Variants in APPBP2 observed in about 807,000 individuals in gnomAD.
APPBP2 encodes the protein amyloid beta precursor protein binding protein 2, also known as amyloid protein-binding protein 2.
A neutral mutation model predicts 76.0 loss-of-function variants in APPBP2; 15 were observed. The observed-to-expected ratio is 0.20, with a 90% confidence interval of 0.13 to 0.30. The LOEUF is 0.30. Ranked by LOEUF, APPBP2 falls within the 10% of genes least tolerant of loss-of-function variation. The pLI, the probability that APPBP2 is intolerant of heterozygous loss-of-function variation, is 1.00. For missense variants in APPBP2, 401 were observed against 687.2 expected (o/e 0.58, Z 4.66); for synonymous variants, 222 against 242.2 (o/e 0.92, Z 0.77).
rs1259552462 is a variant in APPBP2 at position 60,460,718 on chromosome 17, A to G, written c.1006T>C (p.Leu336=). 6.2e-7 allele frequency: 1 copy of G among 1,613,822 alleles called. No individual in the cohort carries two copies. Among genetic ancestry groups the G allele is most frequent in the South Asian group, 1.1e-5 (1 of 91,042 alleles). ...NIHVATAHED[L]AYSSYVHQYS... is the part of the protein sequence containing the mutation. Reference sequence around the variant, plus strand: ...TGGTGGACATAAGAAGAGTAGGCCAAATCTTCATGAGCTGTTGCTACGTGG... The same window carrying G: ...TGGTGGACATAAGAAGAGTAGGCCAGATCTTCATGAGCTGTTGCTACGTGG... The change falls in exon 9 of 13, where the codon TTG becomes CTG. Residue 336 remains leucine, a synonymous_variant. Transcript: ENST00000083182.
chr17:60,518,679 T>A (rs940304380), intron 1 of APPBP2, among the ~76,000 whole-genome samples: 4 of 152,030 alleles, frequency 2.6e-5, no homozygotes, highest in African/African-American at 7.3e-5. Context: ...AATTTTTAAT[T>A]TTTTTGTAGA....
chr17:60,505,981 C>G (rs1440909589), intron 1 of APPBP2, among the ~76,000 whole-genome samples: 1 of 147,862 alleles, frequency 6.8e-6, no homozygotes, highest in Admixed American at 6.6e-5. Context: ...CCATGCCTGG[C>G]CTTTCTTTTT....
In APPBP2 at chr17:60,494,484, G is replaced by C; in HGVS notation, c.361C>G (p.Gln121Glu). The change falls in exon 3 of 13, where the codon CAG becomes GAG. Residue 121 changes from glutamine to glutamate, a missense_variant. Physicochemically the swap from Gln to Glu is conservative, Grantham distance 29. This residue lies in a region of APPBP2 where 149 missense variants were observed against 198.4 expected (regional missense o/e 0.75). Transcript: ENST00000083182. ...TACTTACCTAAAACAAAGCCAACCT[G>C]AATGGCTTTTTCCTTTACTGCAGCA... is the stretch of plus-strand genomic sequence containing the variant. ...SDAAVKEKAI[Q>E]VGFVLGGFLS... The C allele has an allele frequency of 6.2e-7, 1 of 1,609,876 alleles. No individual in the cohort carries two copies. The highest frequency in any genetic ancestry group is 1.1e-5 in the South Asian group (1 of 89,942).
chr17:60,484,292 G>A (rs1241168815), intron 3 of APPBP2, among the ~76,000 whole-genome samples: 1 of 152,146 alleles, frequency 6.6e-6, no homozygotes. Context: ...GATGGAGATG[G>A]CATTGAATCT....
At position 60,447,456 on chromosome 17, in the gene APPBP2, G is replaced by T; in HGVS notation, c.*125C>A. 1 of 1,087,698 alleles carries T rather than the reference G, an allele frequency of 9.2e-7. No homozygotes were observed. The highest frequency in any genetic ancestry group is 1.3e-6 in the Non-Finnish European group (1 of 764,178). The allele number at this position is 1,087,698 out of a possible 1,614,324, so 67.4% of individuals were successfully genotyped here. On this transcript the variant is annotated 3_prime_UTR_variant, in exon 13 of 13. Coordinates refer to ENST00000083182, the MANE Select transcript of APPBP2 (RefSeq NM_006380.5). ...CAAGATAGGGATCACCCAAAATAGG[G>T]TCTTCAATGGACTGGACCAGTGTTT...
chr17:60,488,534 A>G (rs1361015501), intron 3 of APPBP2, among the ~76,000 whole-genome samples: 1 of 152,154 alleles, frequency 6.6e-6, no homozygotes, highest in Non-Finnish European at 1.5e-5. Context: ...GCTAATGGGT[A>G]CTGTTTTCTT....
At chr17:60,524,698 A>C (rs1015838946) in intron 1 of APPBP2, among the ~76,000 whole-genome samples, 1 of 152,090 alleles carries the variant, frequency 6.6e-6, no homozygotes, top group Admixed American at 6.6e-5. Context: ...AACACTGTAC[A>C]TACGTAAGAA....
At chr17:60,448,370 T>G (rs568372220) in intron 12 of APPBP2, among the ~76,000 whole-genome samples, 1 of 152,184 alleles carries the variant, frequency 6.6e-6, no homozygotes, top group South Asian at 2.1e-4. Context: ...GGCTGAGGCA[T>G]GAGAACTGCC....
chr17:60,450,999 G>A (rs559665545), intron 12 of APPBP2, among the ~76,000 whole-genome samples: 1 of 152,270 alleles, frequency 6.6e-6, no homozygotes, highest in Non-Finnish European at 1.5e-5. Flanking sequence ...TTCATAAGAT[G>A]ATGGCCATAG....
chr17:60,465,477 A>G (rs2090504221), intron 5 of APPBP2, among the ~76,000 whole-genome samples: 1 of 152,218 alleles, frequency 6.6e-6, no homozygotes, highest in Admixed American at 6.5e-5. Flanking sequence ...TGAACTGTCA[A>G]AATTATCCAA....
rs961909843 is a variant in APPBP2 at position 60,447,381 on chromosome 17, G to A, written c.*200C>T. ...TGTGGGCCAGACTACTTACACATGC[G>A]GTACATGCTGAATATAACTGAATAT... is the stretch of plus-strand genomic sequence containing the variant. On this transcript the variant is annotated 3_prime_UTR_variant, in exon 13 of 13. Coordinates refer to ENST00000083182, the MANE Select transcript of APPBP2 (RefSeq NM_006380.5). The A allele has an allele frequency of 2.8e-5, 13 of 462,842 alleles. No homozygotes were observed. The highest frequency in any genetic ancestry group is 1.9e-4 in the Admixed American group (5 of 25,696). The allele number at this position is 462,842 out of a possible 1,614,324, so 28.7% of individuals were successfully genotyped here.
At chr17:60,454,944 T>G (rs1248039672) in intron 10 of APPBP2, among the ~76,000 whole-genome samples, 2 of 152,228 alleles carry the variant, frequency 1.3e-5, no homozygotes, top group East Asian at 3.8e-4. Flanking sequence ...CCTACTCATC[T>G]GACCAACCAA....
chr17:60,478,042 G>C (rs1164963567), intron 4 of APPBP2, among the ~76,000 whole-genome samples: 1 of 151,676 alleles, frequency 6.6e-6, no homozygotes, highest in African/African-American at 2.4e-5. Flanking sequence ...TTTTATAGGA[G>C]AATATTCTAG....
chr17:60,502,237 ATC>A (rs1396011821), intron 1 of APPBP2, among the ~76,000 whole-genome samples: 1 of 152,116 alleles, frequency 6.6e-6, no homozygotes, highest in Non-Finnish European at 1.5e-5. Flanking sequence ...TATATTTGCT[ATC>A]CTTATAGAGG....
chr17:60,454,080 C>A (rs1360278959), intron 11 of APPBP2, among the ~76,000 whole-genome samples: 1 of 152,104 alleles, frequency 6.6e-6, no homozygotes, highest in Non-Finnish European at 1.5e-5. Flanking sequence ...CCAGGCTGGT[C>A]TGAAACTCCT....
intron 12 of APPBP2, 21 bp downstream of exon 12, chr17:60,451,859 G>A (rs1360051025): frequency 6.3e-7 from 1 of 1,584,174 alleles, no homozygotes; most frequent in Non-Finnish European, 8.6e-7. Context: ...ACTGACTAAA[G>A]AAAATTTAAA....
intron 6 of APPBP2, among the ~76,000 whole-genome samples, chr17:60,463,548 CAAGT>C (rs2090490578): frequency 1.3e-5 from 2 of 152,272 alleles, no homozygotes; most frequent in South Asian, 4.1e-4. Context: ...AGAGAAAAAT[CAAGT>C]AAGGACTGCC....
intron 1 of APPBP2, among the ~76,000 whole-genome samples, chr17:60,525,246 G>T (rs1463105434): frequency 7.2e-5 from 11 of 152,142 alleles, no homozygotes; most frequent in African/African-American, 2.7e-4. Context: ...TAAAGAATAT[G>T]CAAATAAAAC....
intron 3 of APPBP2, among the ~76,000 whole-genome samples, chr17:60,487,174 G>C (rs1269664312): frequency 6.6e-6 from 1 of 151,976 alleles, no homozygotes; most frequent in African/African-American, 2.4e-5. Context: ...TGTGTGTCTT[G>C]GGGTTGCTCT....
Sources: gnomAD v4.1 joint callset for allele counts (sites outside exome capture counted in the v4.1 genomes callset) on GRCh38, gnomAD v4.1.1 for gene constraint, gnomAD v4.1.1 regional missense constraint, MANE v1.5 for transcripts, NCBI Gene and HGNC (gene_info 2026-07-23, HGNC 2026-07-21) for gene names.